Variants in PLEKHA5 observed in about 807,000 individuals in gnomAD.
PLEKHA5 encodes the protein pleckstrin homology domain containing A5, also known as pleckstrin homology domain-containing family A member 5.
A neutral mutation model predicts 181.9 loss-of-function variants in PLEKHA5; 55 were observed. The ratio of observed to expected loss-of-function variants is 0.30; its 90% CI spans 0.24 to 0.38. The LOEUF is 0.38. Ranked by LOEUF, PLEKHA5 falls within the 10% of genes least tolerant of loss-of-function variation. The pLI is 1.00. For synonymous variants in PLEKHA5, 535 were observed against 529.4 expected (o/e 1.01, Z -0.15); for missense variants, 1,432 against 1,549.5 (o/e 0.92, Z 1.27).
chr12:19,327,830 A>G (rs1360735280), intron 20 of PLEKHA5, among the ~76,000 whole-genome samples: 1 of 151,804 alleles, frequency 6.6e-6, no homozygotes, highest in Admixed American at 6.6e-5. Context: ...TTTTTAGTAG[A>G]GACAGGGTTT....
intron 3 of PLEKHA5, among the ~76,000 whole-genome samples, chr12:19,133,258 T>G (rs1842877525): frequency 6.6e-6 from 1 of 152,004 alleles, no homozygotes; most frequent in East Asian, 1.9e-4. Flanking sequence ...TGTTCAAACT[T>G]AATAACTTAG....
chr12:19,308,929 G>A (rs2085283355), intron 15 of PLEKHA5, among the ~76,000 whole-genome samples: 1 of 138,886 alleles, frequency 7.2e-6, no homozygotes, highest in East Asian at 2.7e-4. Context: ...AGGCATGGTG[G>A]TGCATGCCTG....
chr12:19,358,150 C>T (rs1405262690), intron 26 of PLEKHA5, 78 bp from the exon 27 acceptor site: 4 of 976,330 alleles, frequency 4.1e-6, no homozygotes, highest in Non-Finnish European at 6.2e-6. Flanking sequence ...AATAAATGCA[C>T]TTTACAACAT....
intron 11 of PLEKHA5, 114 bp downstream of exon 11, chr12:19,275,097 A>G: frequency 1.5e-6 from 1 of 655,644 alleles, no homozygotes; most frequent in Non-Finnish European, 2.6e-6. Flanking sequence ...TAGCTGTTAT[A>G]GCTTCATTAC....
At chr12:19,310,691 C>T (rs860145) in intron 15 of PLEKHA5, among the ~76,000 whole-genome samples, 139,821 of 151,528 alleles carry the variant, frequency 0.92, 65,154 homozygotes, top group Non-Finnish European at 1. Flanking sequence ...CCAAGGCGGG[C>T]GGATTGCTTT....
At chr12:19,268,384 TA>T (rs2071294757) in intron 8 of PLEKHA5, among the ~76,000 whole-genome samples, 1 of 152,240 alleles carries the variant, frequency 6.6e-6, no homozygotes, top group African/African-American at 2.4e-5. Context: ...ACTACAATGT[TA>T]AAATAGCAAT....
At chr12:19,147,150 T>C (rs542988334) in intron 3 of PLEKHA5, 1 of 152,330 alleles carries the variant, frequency 6.6e-6, no homozygotes, top group Admixed American at 6.5e-5. Flanking sequence ...AATGTGATCA[T>C]TTAGTCTTCC....
intron 15 of PLEKHA5, among the ~76,000 whole-genome samples, chr12:19,297,830 CAG>C (rs1178979473): frequency 1.3e-5 from 2 of 149,722 alleles, no homozygotes; most frequent in East Asian, 2.0e-4. Context: ...AGATTGTCAA[CAG>C]AGTCAGCACC....
chr12:19,229,925 C>T (rs1052884800), intron 3 of PLEKHA5, among the ~76,000 whole-genome samples: 2 of 152,102 alleles, frequency 1.3e-5, no homozygotes, highest in African/African-American at 2.4e-5. Flanking sequence ...AAACCTTGAG[C>T]TAGATACAGG....
intron 3 of PLEKHA5, among the ~76,000 whole-genome samples, chr12:19,190,158 T>C: frequency 6.6e-6 from 1 of 152,210 alleles, no homozygotes; most frequent in East Asian, 1.9e-4. Flanking sequence ...AATCTTGAAA[T>C]CCTCCTTTAT....
chr12:19,275,294 C>A (rs958207933), intron 11 of PLEKHA5, among the ~76,000 whole-genome samples: 1 of 152,022 alleles, frequency 6.6e-6, no homozygotes, highest in Non-Finnish European at 1.5e-5. Context: ...CCAACCCACC[C>A]CTGTCTTGTC....
At position 19,257,939 on chromosome 12, in the gene PLEKHA5, A is replaced by G. The variant is rs184746516; in HGVS notation, c.537+402A>G. On this transcript the variant is annotated intron_variant, in intron 6 of 31. Transcript: ENST00000429027. The stretch of plus-strand genomic sequence containing the variant: ...AATTGTTAGAGAAATATACAGTTGT[A>G]TATTTCCCCCCTTTATACAGAAATT... Among the ~76,000 whole-genome samples the G allele has an allele frequency of 3.2e-3, 485 of 152,016 alleles. 7 individuals are homozygous for G. The highest frequency in any genetic ancestry group is 6.9e-4 in the Non-Finnish European group (47 of 67,984).
intron 8 of PLEKHA5, among the ~76,000 whole-genome samples, chr12:19,268,157 G>A (rs1211842905): frequency 2.0e-5 from 3 of 152,038 alleles, no homozygotes; most frequent in African/African-American, 7.2e-5. Context: ...ATAAACCAGA[G>A]AAACATAATT....
At chr12:19,356,662 C>CTTTTTTTTTTTTTTTTTTT (rs57809332) in intron 26 of PLEKHA5, among the ~76,000 whole-genome samples, 1 of 99,820 alleles carries the variant, frequency 1.0e-5, no homozygotes, top group Non-Finnish European at 1.8e-5. Flanking sequence ...AGTTGTTTTT[C>CTTTTTTTTTTTTTTTTTTT]TTTTTTTTTT....
chr12:19,133,970 C>T (rs2034832322), intron 3 of PLEKHA5, among the ~76,000 whole-genome samples: 1 of 151,932 alleles, frequency 6.6e-6, no homozygotes, highest in South Asian at 2.1e-4. Flanking sequence ...TTTTTCATTT[C>T]AGGTCATTTA....
At chr12:19,259,146 C>T (rs1344941289) in intron 6 of PLEKHA5, among the ~76,000 whole-genome samples, 2 of 151,862 alleles carry the variant, frequency 1.3e-5, no homozygotes, top group Non-Finnish European at 2.9e-5. Context: ...CACTTGAGCC[C>T]AGGAGTTCGA....
intron 3 of PLEKHA5, among the ~76,000 whole-genome samples, chr12:19,196,682 A>G (rs2152021213): frequency 6.6e-6 from 1 of 152,304 alleles, no homozygotes; most frequent in Non-Finnish European, 1.5e-5. Flanking sequence ...ATATTCCTGT[A>G]CAAACAAAAG....
chr12:19,255,875 G>A (rs2066732866), intron 5 of PLEKHA5, among the ~76,000 whole-genome samples: 1 of 146,534 alleles, frequency 6.8e-6, no homozygotes, highest in Admixed American at 6.8e-5. Context: ...AAAAAACAAT[G>A]GAAGATTTGA....
At chr12:19,281,116 G>A (rs2076028355) in intron 11 of PLEKHA5, among the ~76,000 whole-genome samples, 1 of 151,754 alleles carries the variant, frequency 6.6e-6, no homozygotes, top group South Asian at 2.1e-4. Flanking sequence ...TATATCTGTA[G>A]TCCTAGCTAC....
Sources: gnomAD v4.1 joint callset for allele counts (sites outside exome capture counted in the v4.1 genomes callset) on GRCh38, gnomAD v4.1.1 for gene constraint, MANE v1.5 for transcripts, NCBI Gene and HGNC (gene_info 2026-07-23, HGNC 2026-07-21) for gene names.